Variants in BABAM2 observed in about 807,000 individuals in gnomAD.
BABAM2 encodes the protein BRISC and BRCA1-A complex member 2.
A neutral mutation model predicts 54.7 loss-of-function variants in BABAM2; 31 were observed. The observed-to-expected ratio is 0.57, with a 90% CI of 0.43 to 0.77. The LOEUF is 0.77. Ranked by LOEUF, BABAM2 falls within the 30% of genes least tolerant of loss-of-function variation. BABAM2 has a pLI of 0.00. For synonymous variants in BABAM2, 167 were observed against 162.9 expected, an observed-to-expected ratio of 1.03 and a Z score of -0.19; for missense variants, 364 against 455.8, an observed-to-expected ratio of 0.80 and a Z score of 1.83.
intron 3 of BABAM2, among the ~76,000 whole-genome samples, chr2:27,974,625 T>C (rs1671462290): frequency 6.6e-6 from 1 of 152,154 alleles, no homozygotes; most frequent in African/African-American, 2.4e-5. Context: ...AAAGGACATC[T>C]ACCCAGAACC....
chr2:28,160,735 G>GTTTTT (rs562679552), intron 7 of BABAM2, among the ~76,000 whole-genome samples: 2 of 129,176 alleles, frequency 1.5e-5, no homozygotes, highest in Non-Finnish European at 1.6e-5. Flanking sequence ...CATATAAATT[G>GTTTTT]TTTTTTTTTT....
At chr2:28,166,041 A>T (rs1573730752) in intron 7 of BABAM2, among the ~76,000 whole-genome samples, 2 of 152,198 alleles carry the variant, frequency 1.3e-5, no homozygotes, top group East Asian at 3.9e-4. Flanking sequence ...AGAGGAAATT[A>T]GGACACACAT....
chr2:28,035,778 G>A lies in BABAM2; in HGVS notation c.496-9947G>A, dbSNP rs188167554. Among the ~76,000 whole-genome samples, 5 of 152,224 alleles carry A rather than the reference G, an allele frequency of 3.3e-5. No homozygotes were observed. The East Asian group carries it at 9.6e-4, about 29-fold the overall frequency. On this transcript the variant is annotated intron_variant, in intron 5 of 11. Transcript: ENST00000379624. ...TGGTTTTTAACCTTATTAATAAAAAGTAGTGTGTGGATACCTAAATTACTT... is the reference window on the plus strand; with the variant it reads ...TGGTTTTTAACCTTATTAATAAAAAATAGTGTGTGGATACCTAAATTACTT...
chr2:28,062,953 G>A (rs912188121), intron 6 of BABAM2, among the ~76,000 whole-genome samples: 1 of 152,232 alleles, frequency 6.6e-6, no homozygotes, highest in African/African-American at 2.4e-5. Flanking sequence ...CACAGTGGAT[G>A]TATGTTGTTT....
chr2:27,980,493 C>T (rs1324796877), intron 3 of BABAM2, among the ~76,000 whole-genome samples: 2 of 152,148 alleles, frequency 1.3e-5, no homozygotes, highest in Non-Finnish European at 2.9e-5. Context: ...GATTTACTGA[C>T]TGTTCTGCAT....
chr2:28,118,967 T>C (rs1248731748), intron 6 of BABAM2, among the ~76,000 whole-genome samples: 1 of 151,904 alleles, frequency 6.6e-6, no homozygotes, highest in East Asian at 1.9e-4. Flanking sequence ...CCCAGCAACA[T>C]ACTGAATAGG....
At chr2:28,127,921 C>A (rs1255035584) in intron 6 of BABAM2, among the ~76,000 whole-genome samples, 1 of 152,014 alleles carries the variant, frequency 6.6e-6, no homozygotes, top group Non-Finnish European at 1.5e-5. Flanking sequence ...ATTCTCCTGC[C>A]TCAGCGTCCC....
At chr2:27,916,813 C>A (rs1667005344) in intron 2 of BABAM2, among the ~76,000 whole-genome samples, 1 of 152,168 alleles carries the variant, frequency 6.6e-6, no homozygotes, top group Non-Finnish European at 1.5e-5. Context: ...GCTCTCTTCG[C>A]TCCTATTGTG....
chr2:28,298,431 C>T lies in BABAM2; in HGVS notation c.1028C>T (p.Ala343Val), dbSNP rs752475561. The T allele has an allele frequency of 8.1e-6, 13 of 1,614,116 alleles. No individual in the cohort carries two copies. Among genetic ancestry groups the T allele is most frequent in the South Asian group, 4.4e-5 (4 of 91,084 alleles). ...FTNSGQLYSQ[A>V]QKNYPYSPRW... ...AACAGTGGACAGCTTTACTCCCAGG[C>T]CCAAAAAAATTATCCGTACAGCCCC... The change falls in exon 11 of 12, where the codon GCC becomes GTC. Residue 343 changes from alanine (A) to valine (V), a missense_variant. Coordinates refer to ENST00000379624, the MANE Select transcript of BABAM2 (RefSeq NM_199191.3).
chr2:27,981,843 T>C (rs2148473353), intron 3 of BABAM2, among the ~76,000 whole-genome samples: 1 of 152,284 alleles, frequency 6.6e-6, no homozygotes, highest in South Asian at 2.1e-4. Context: ...TGTGGACATG[T>C]CTTCACTTCT....
intron 11 of BABAM2, 121 bp from the exon 12 acceptor site, chr2:28,338,329 C>A: frequency 1.1e-6 from 1 of 941,726 alleles, no homozygotes; most frequent in Non-Finnish European, 1.7e-6. Context: ...GCAAATCCAA[C>A]CCAAGATGCA....
chr2:28,167,876 T>G (rs557736235), intron 7 of BABAM2, among the ~76,000 whole-genome samples: 2 of 152,292 alleles, frequency 1.3e-5, no homozygotes, highest in Admixed American at 6.5e-5. Context: ...GTGTTTTTCC[T>G]GCACTCTCAT....
At chr2:28,163,377 A>T (rs996444293) in intron 7 of BABAM2, among the ~76,000 whole-genome samples, 2 of 152,186 alleles carry the variant, frequency 1.3e-5, no homozygotes, top group Non-Finnish European at 2.9e-5. Flanking sequence ...GGAGTAAGTC[A>T]GTAGCTGGCT....
chr2:27,975,432 T>C (rs531063706), intron 3 of BABAM2, among the ~76,000 whole-genome samples: 65 of 152,146 alleles, frequency 4.3e-4, no homozygotes, highest in African/African-American at 1.6e-3. Context: ...TCCATATAAA[T>C]ATGGTCAATG....
At chr2:28,201,646 GA>G (rs1225928076) in intron 7 of BABAM2, among the ~76,000 whole-genome samples, 1 of 152,024 alleles carries the variant, frequency 6.6e-6, no homozygotes, top group African/African-American at 2.4e-5. Flanking sequence ...ATAAAGGAAA[GA>G]AAAAAATGAA....
In BABAM2 at chr2:28,322,472, A is replaced by AG. The variant is rs1451788747; in HGVS notation, c.1089-15977dup. The stretch of plus-strand genomic sequence containing the variant: ...CCTGTAACTCTTAGAGGCGCCTTTG[A>AG]GCAACGCGCTCTCAAGGTGTTCCAG... On this transcript the variant is annotated intron_variant, in intron 11 of 11. Transcript: ENST00000379624. The surrounding 1 kb of genome is among the most constrained non-coding windows in gnomAD (Gnocchi z 4.1). Among the ~76,000 whole-genome samples the AG allele has an allele frequency of 2.0e-5, 3 of 152,248 alleles. No homozygotes were observed. Among genetic ancestry groups the AG allele is most frequent in the Non-Finnish European group, 4.4e-5 (3 of 68,046 alleles).
chr2:28,195,712 A>C (rs1434573495), intron 7 of BABAM2, among the ~76,000 whole-genome samples: 3 of 152,246 alleles, frequency 2.0e-5, no homozygotes, highest in Non-Finnish European at 4.4e-5. Context: ...TATAAAAGTG[A>C]CTGTCATAGG....
chr2:28,166,100 C>T (rs1330178381), intron 7 of BABAM2, among the ~76,000 whole-genome samples: 1 of 152,146 alleles, frequency 6.6e-6, no homozygotes, highest in Admixed American at 6.5e-5. Flanking sequence ...ACAAACCAAG[C>T]AGGCCTCAAG....
intron 4 of BABAM2, among the ~76,000 whole-genome samples, chr2:28,024,739 T>C (rs1328328838): frequency 3.3e-5 from 5 of 152,208 alleles, no homozygotes; most frequent in Non-Finnish European, 5.9e-5. Context: ...ACCATTGTGC[T>C]TATATTTCTG....
Sources: allele counts gnomAD v4.1 joint callset (sites outside exome capture counted in the v4.1 genomes callset), GRCh38; gene constraint gnomAD v4.1.1; non-coding constraint Gnocchi (gnomAD v3.1); transcripts MANE v1.5; gene names NCBI Gene and HGNC (gene_info 2026-07-23, HGNC 2026-07-21).